The following HELT variants were observed in gnomAD, a reference collection of about 807,000 sequenced individuals.
HELT encodes helt bHLH transcription factor, also known as hairy and enhancer of split-related protein HELT.
Under a neutral mutation model 19.5 loss-of-function variants are expected in HELT, and 9 were observed. That is an observed-to-expected ratio of 0.46 (90% CI 0.28 to 0.80). The LOEUF (loss-of-function observed/expected upper bound fraction) is 0.80, where lower values mean the gene tolerates loss of function less well. Among genes scored for constraint, HELT ranks in the 30% least tolerant of loss-of-function variants. The pLI is 0.12. For synonymous variants in HELT, 162 were observed against 148.3 expected, an observed-to-expected ratio of 1.09 and a Z score of -0.67; for missense variants, 366 against 326.3, an observed-to-expected ratio of 1.12 and a Z score of -0.94.
chr4:185,019,278 C>T, intron 1 of HELT, 109 bp from the exon 2 acceptor site: 1 of 1,144,530 alleles, frequency 8.7e-7, no homozygotes, highest in Non-Finnish European at 1.3e-6. Context: ...TAGAGCGAAT[C>T]TGAGCAGTGT....
Position 185,018,793 on chromosome 4 carries a change from A to G in HELT, c.-136A>G. ...AACTCGTGAATGCATCTGGAGCCCT[A>G]GATGACCGCTTTATAAGGCAGCCCT... On this transcript the variant is annotated 5_prime_UTR_variant, in exon 1 of 4. It removes the in-frame stop codon of an upstream open reading frame in the 5' UTR. Transcript: ENST00000515777. 1 of 812,184 alleles carries G rather than the reference A, an allele frequency of 1.2e-6. No homozygotes were observed. The highest frequency in any genetic ancestry group is 1.9e-6 in the Non-Finnish European group (1 of 525,812). 50.3% of individuals were successfully genotyped at this position (812,184 alleles called of 1,614,324 possible).
intron 3 of HELT, 124 bp from the exon 4 acceptor site, chr4:185,020,149 G>C: frequency 7.3e-7 from 1 of 1,377,982 alleles, no homozygotes. Context: ...AGAGGAGAGG[G>C]CGGGCCTCAA....
intron 1 of HELT, chr4:185,019,176 T>TGGGTAGGGTGGCTGGAA: frequency 6.8e-7 from 1 of 1,460,530 alleles, no homozygotes; most frequent in Non-Finnish European, 9.2e-7. Context: ...CCCAAAGGCC[T>TGGGTAGGGTGGCTGGAA]GGGTAGGGTG....
At position 185,020,363 on chromosome 4, in the gene HELT, G is replaced by A. The variant is rs756137886; in HGVS notation, c.320G>A (p.Arg107Gln). 3.1e-5 allele frequency: 50 copies of A among 1,614,112 alleles called. No homozygotes were observed. In the East Asian group the frequency reaches 1.1e-3, roughly 36 times the overall value. ...GTGCATTACCTCACCACGGTGGAGC[G>A]GATGGAGACCAAGGACACGAAGTAC... ...NLVHYLTTVE[R>Q]METKDTKYAR... The change falls in exon 4 of 4, where the codon CGG (arginine) becomes CAG (glutamine). Residue 107 changes from arginine to glutamine, a missense_variant. By Grantham distance (43) the Arg-to-Gln change is conservative. Coordinates refer to ENST00000515777, the MANE Select transcript of HELT (RefSeq NM_001300781.2).
In HELT at chr4:185,019,820, A is replaced by G; in HGVS notation, c.206A>G (p.Asp69Gly). Residue 69 changes from aspartate (D) to glycine (G), a missense_variant, in exon 3 of 4, where the codon GAT becomes GGT. Transcript: ENST00000515777. ...TACCTGAGAGCACTGCACTCCGCTG[A>G]TTTTCCCCGGGGAAGGGAAAAAGGT... is the stretch of plus-strand genomic sequence containing the variant. ...VQYLRALHSADFPRGREKAEL... is the reference protein window; with the variant it reads ...VQYLRALHSAGFPRGREKAEL... 6.2e-7 allele frequency: 1 copy of G among 1,613,616 alleles called. No homozygotes were observed. Among genetic ancestry groups the G allele is most frequent in the Non-Finnish European group, 8.5e-7 (1 of 1,179,924 alleles).
Position 185,018,841 on chromosome 4 carries a change from A to G in HELT, c.-88A>G. On this transcript the variant is annotated 5_prime_UTR_variant, in exon 1 of 4. Transcript: ENST00000515777. ...CCTCGGAGTTGGGAGGCTGCAGTCTACCTGGGACACTCGAGGAGGCACACG... is the reference window on the plus strand; with the variant it reads ...CCTCGGAGTTGGGAGGCTGCAGTCTGCCTGGGACACTCGAGGAGGCACACG... 1 of 1,419,116 alleles carries G rather than the reference A, an allele frequency of 7.0e-7. No individual in the cohort carries two copies. The highest frequency in any genetic ancestry group is 2.3e-5 in the East Asian group (1 of 43,156). The allele number at this position is 1,419,116 out of a possible 1,614,324, so 87.9% of individuals were successfully genotyped here.
At position 185,020,544 on chromosome 4, in the gene HELT, C is replaced by A; in HGVS notation, c.501C>A (p.Phe167Leu). 6.2e-7 allele frequency: 1 copy of A among 1,606,510 alleles called. No homozygotes were observed. Among genetic ancestry groups the A allele is most frequent in the Non-Finnish European group, 8.5e-7 (1 of 1,179,140 alleles). Residue 167 changes from phenylalanine (F) to leucine (L), a missense_variant, in exon 4 of 4, where the codon TTC becomes TTA. Physicochemically the swap from Phe to Leu is conservative, Grantham distance 22 (BLOSUM62 0). Transcript: ENST00000515777. ...ACAGCCCGGGCGAGGCCGCTGTGTT[C>A]CCGCAGGGCTCTGGTGCCGGGCCTT... is the stretch of plus-strand genomic sequence containing the variant. ...AGHSPGEAAV[F>L]PQGSGAGPFP...
rs775149628 is a variant in HELT, at chr4:185,020,586, C to T, written c.543C>T (p.Gly181=). ...CCGGGCCTTTCCCCTGGCCGCCTGG[C>T]GCGGCCCGCAGCCCCGCGCTGCCCT... The part of the protein sequence containing the change: ...SGAGPFPWPP[G]AARSPALPYL... Residue 181 remains glycine (G), a synonymous_variant, in exon 4 of 4, where the codon GGC becomes GGT. Transcript: ENST00000515777. The T allele has an allele frequency of 1.9e-6, 3 of 1,593,944 alleles. No homozygotes were observed. Among genetic ancestry groups the T allele is most frequent in the Non-Finnish European group, 2.6e-6 (3 of 1,174,778 alleles).
chr4:185,020,222 G>C, intron 3 of HELT, 51 bp from the exon 4 acceptor site: 1 of 1,580,932 alleles, frequency 6.3e-7, no homozygotes, highest in South Asian at 1.2e-5. Context: ...GCTCGCGTGG[G>C]GAAGGGGCAC....
Position 185,019,835 on chromosome 4 carries a change from G to C in HELT, c.221G>C (p.Arg74Thr), listed in dbSNP as rs1561324406. 6.2e-7 allele frequency: 1 copy of C among 1,613,314 alleles called. No individual in the cohort carries two copies. Among genetic ancestry groups the C allele is most frequent in the East Asian group, 2.2e-5 (1 of 44,872 alleles). Residue 74 changes from arginine (R) to threonine (T), a missense_variant, in exon 3 of 4, where the codon AGG becomes ACG. Arg to Thr is a moderately conservative substitution (Grantham distance 71). Coordinates refer to ENST00000515777, the MANE Select transcript of HELT (RefSeq NM_001300781.2). ...CACTCCGCTGATTTTCCCCGGGGAAGGGAAAAAGGTGGGCACAGGTTAGGG... is the reference window on the plus strand; with the variant it reads ...CACTCCGCTGATTTTCCCCGGGGAACGGAAAAAGGTGGGCACAGGTTAGGG... ...ALHSADFPRG[R>T]EKAELLAEFA...
In HELT at chr4:185,020,525, C is replaced by T. The variant is rs760376247; in HGVS notation, c.482C>T (p.Pro161Leu). 6.2e-7 allele frequency: 1 copy of T among 1,609,504 alleles called. No homozygotes were observed. Among genetic ancestry groups the T allele is most frequent in the Non-Finnish European group, 8.5e-7 (1 of 1,179,642 alleles). Residue 161 changes from proline to leucine, a missense_variant, in exon 4 of 4, where the codon CCG becomes CTG. Physicochemically the swap from Pro to Leu is moderately conservative, Grantham distance 98. Coordinates refer to ENST00000515777, the MANE Select transcript of HELT (RefSeq NM_001300781.2). ...GGGCCCGAATTCGCTGGTCACAGCC[C>T]GGGCGAGGCCGCTGTGTTCCCGCAG... ...PAGPEFAGHS[P>L]GEAAVFPQGS...
chr4:185,020,264 T>A lies in HELT; in HGVS notation c.230-9T>A. ...TGTGTCCGTCCTACGGGCTTTCTCGTTCCTCCAGCAGAACTTCTAGCGGAG... is the reference window on the plus strand; with the variant it reads ...TGTGTCCGTCCTACGGGCTTTCTCGATCCTCCAGCAGAACTTCTAGCGGAG... On this transcript the variant is annotated splice_polypyrimidine_tract_variant and intron_variant, in intron 3 of 3. Transcript: ENST00000515777. 6.2e-7 allele frequency: 1 copy of A among 1,610,172 alleles called. No homozygotes were observed.
intron 1 of HELT, 157 bp from the exon 2 acceptor site, chr4:185,019,230 T>A (rs1733984003): frequency 8.3e-7 from 1 of 1,201,454 alleles, no homozygotes; most frequent in South Asian, 1.6e-5. Context: ...AAGGCAGAGC[T>A]CACCTGGCCC....
At chr4:185,019,073 G>C in intron 1 of HELT, 118 bp downstream of exon 1, 1 of 1,612,012 alleles carries the variant, frequency 6.2e-7, no homozygotes. Context: ...TTTGAGTGTG[G>C]AGGAATCTCG....
intron 3 of HELT, 54 bp from the exon 4 acceptor site, chr4:185,020,219 T>A: frequency 4.4e-6 from 7 of 1,577,572 alleles, no homozygotes; most frequent in Non-Finnish European, 6.0e-6. Context: ...TGGGCTCGCG[T>A]GGGGAAGGGG....
At chr4:185,019,040 G>T (rs760211093) in intron 1 of HELT, 85 bp downstream of exon 1, 9 of 1,614,014 alleles carry the variant, frequency 5.6e-6, no homozygotes, top group Non-Finnish European at 6.8e-6. Flanking sequence ...TGGACCGATG[G>T]CAGGGAAGTG....
chr4:185,019,129 C>G (rs375196910), intron 1 of HELT, 174 bp downstream of exon 1: 4 of 1,568,612 alleles, frequency 2.6e-6, no homozygotes, highest in African/African-American at 1.3e-5. Flanking sequence ...GGTGCTCAAC[C>G]AGGTAGAAGT....
chr4:185,019,208 C>T (rs1474089341), intron 1 of HELT, 179 bp from the exon 2 acceptor site: 1 of 1,333,846 alleles, frequency 7.5e-7, no homozygotes, highest in Non-Finnish European at 1.0e-6. Flanking sequence ...AGCGCGCCAG[C>T]GCGGGCGTCA....
intron 3 of HELT, 67 bp downstream of exon 3, chr4:185,019,910 G>A: frequency 7.1e-7 from 1 of 1,399,838 alleles, no homozygotes; most frequent in Non-Finnish European, 9.9e-7. Flanking sequence ...CCCTGGGGCT[G>A]GGAGGGGAGT....
Sources: allele counts gnomAD v4.1 joint callset, GRCh38; gene constraint gnomAD v4.1.1; transcripts MANE v1.5; gene names NCBI Gene and HGNC (gene_info 2026-07-23, HGNC 2026-07-21).